The following PLXNA4 variants were observed in gnomAD, a reference collection of about 807,000 sequenced individuals.
PLXNA4 encodes plexin-A4.
In PLXNA4, 44 loss-of-function variants were observed where a neutral mutation model predicts 191.8. That is an observed-to-expected ratio of 0.23 (90% CI 0.18 to 0.29). The LOEUF is 0.29. Among genes scored for constraint, PLXNA4 ranks in the 10% least tolerant of loss-of-function variants. PLXNA4 has a pLI of 1.00. For synonymous variants in PLXNA4, 1,082 were observed against 1,009.5 expected, an observed-to-expected ratio of 1.07 and a Z score of -1.36; for missense variants, 1,800 against 2,488.8, an observed-to-expected ratio of 0.72 and a Z score of 5.89.
At chr7:132,385,077 A>T in intron 3 of PLXNA4, 1 of 1,536,912 alleles carries the variant, frequency 6.5e-7, no homozygotes. Context: ...GACATGAGCT[A>T]TGATGTATGG....
chr7:132,260,718 G>T (rs1275822015), intron 4 of PLXNA4, among the ~76,000 whole-genome samples: 1 of 152,076 alleles, frequency 6.6e-6, no homozygotes, highest in Non-Finnish European at 1.5e-5. Context: ...GTTGGACGGG[G>T]TTGTGGGAGT....
intron 1 of PLXNA4, among the ~76,000 whole-genome samples, chr7:132,529,003 T>C (rs1284253973): frequency 6.6e-6 from 1 of 152,266 alleles, no homozygotes; most frequent in Non-Finnish European, 1.5e-5. Flanking sequence ...CAACAGCCAT[T>C]CTTTCATTAG....
chr7:132,481,941 GT>G (rs1797354317), intron 3 of PLXNA4, among the ~76,000 whole-genome samples: 2 of 152,184 alleles, frequency 1.3e-5, no homozygotes, highest in South Asian at 4.1e-4. Flanking sequence ...TCTCTACTGT[GT>G]TTGCACAATC....
At chr7:132,323,654 C>T (rs1802260847) in intron 3 of PLXNA4, among the ~76,000 whole-genome samples, 1 of 152,192 alleles carries the variant, frequency 6.6e-6, no homozygotes, top group African/African-American at 2.4e-5. Context: ...GTGAATGTTC[C>T]ACTTCCAGGC....
intron 20 of PLXNA4, among the ~76,000 whole-genome samples, chr7:132,178,962 C>A (rs1481813489): frequency 6.8e-6 from 1 of 147,366 alleles, no homozygotes; most frequent in Non-Finnish European, 1.5e-5. Flanking sequence ...CACACAGCCT[C>A]CAGCACTGCC....
intron 2 of PLXNA4, among the ~76,000 whole-genome samples, chr7:132,505,940 T>G (rs748232756): frequency 6.6e-6 from 1 of 152,162 alleles, no homozygotes; most frequent in African/African-American, 2.4e-5. Context: ...GGTTGTCACC[T>G]GCTAGGAAGA....
chr7:132,255,494 A>G (rs1022097594), intron 4 of PLXNA4, among the ~76,000 whole-genome samples: 2 of 152,186 alleles, frequency 1.3e-5, no homozygotes, highest in South Asian at 4.1e-4. Context: ...GACAGACAAC[A>G]TTCACGTTAA....
chr7:132,441,772 TG>T (rs1795709315), intron 3 of PLXNA4, among the ~76,000 whole-genome samples: 1 of 152,250 alleles, frequency 6.6e-6, no homozygotes, highest in Non-Finnish European at 1.5e-5. Flanking sequence ...ATTCCTTGGC[TG>T]CCAGTCAGGG....
chr7:132,467,397 G>T (rs1386798335), intron 3 of PLXNA4, among the ~76,000 whole-genome samples: 2 of 152,178 alleles, frequency 1.3e-5, no homozygotes, highest in Admixed American at 1.3e-4. Context: ...CTGTCCCCCT[G>T]CAGGGGACCC....
intron 1 of PLXNA4, among the ~76,000 whole-genome samples, chr7:132,570,539 G>A (rs1801932528): frequency 6.6e-6 from 1 of 152,234 alleles, no homozygotes; most frequent in Non-Finnish European, 1.5e-5. Context: ...AGTTCAGTGA[G>A]TATGTCAGAT....
At chr7:132,148,938 C>G (rs998166329) in intron 25 of PLXNA4, among the ~76,000 whole-genome samples, 3 of 152,100 alleles carry the variant, frequency 2.0e-5, no homozygotes, top group Admixed American at 6.6e-5. Flanking sequence ...AGTAGGTGCT[C>G]AAAAAGTATT....
intron 9 of PLXNA4, among the ~76,000 whole-genome samples, chr7:132,214,940 C>T (rs1241125717): frequency 6.6e-6 from 1 of 152,136 alleles, no homozygotes; most frequent in Non-Finnish European, 1.5e-5. Flanking sequence ...AGCGTCTGGT[C>T]CGGGGTGAGT....
intron 3 of PLXNA4, among the ~76,000 whole-genome samples, chr7:132,455,755 T>TG (rs1449242492): frequency 6.6e-6 from 1 of 151,286 alleles, no homozygotes; most frequent in African/African-American, 2.4e-5. Flanking sequence ...AGCGGAGGGG[T>TG]GGGGGAGTGG....
At chr7:132,413,462 G>A (rs1182758289) in intron 3 of PLXNA4, among the ~76,000 whole-genome samples, 2 of 152,128 alleles carry the variant, frequency 1.3e-5, no homozygotes, top group Admixed American at 6.5e-5. Context: ...TTTCCAACAT[G>A]TGACAGATGT....
intron 2 of PLXNA4, among the ~76,000 whole-genome samples, chr7:132,597,898 C>T (rs140771063): frequency 3.3e-3 from 495 of 148,134 alleles, no homozygotes; most frequent in African/African-American, 0.012. Context: ...TTTTTAACTT[C>T]TCAATAGCAC....
intron 4 of PLXNA4, among the ~76,000 whole-genome samples, chr7:132,262,123 C>G (rs1799668017): frequency 6.6e-6 from 1 of 152,188 alleles, no homozygotes; most frequent in African/African-American, 2.4e-5. Context: ...CCTTCTTGAA[C>G]TTGACCCAGC....
At chr7:132,380,693 G>T (rs1024128651) in intron 3 of PLXNA4, among the ~76,000 whole-genome samples, 31 of 152,192 alleles carry the variant, frequency 2.0e-4, no homozygotes, top group Admixed American at 1.9e-3. Flanking sequence ...TTCAGATTGT[G>T]CATGGCAAAG....
intron 2 of PLXNA4, among the ~76,000 whole-genome samples, chr7:132,625,564 G>A (rs1385151255): frequency 1.3e-5 from 2 of 152,120 alleles, no homozygotes; most frequent in Non-Finnish European, 2.9e-5. Flanking sequence ...TGAGAGGCAG[G>A]GTGGAGTGTG....
At position 132,431,834 on chromosome 7, in the gene PLXNA4, G is replaced by A. The variant is rs372679747; in HGVS notation, c.1371+57458C>T. Among the ~76,000 whole-genome samples the A allele has an allele frequency of 1.0e-3, 156 of 152,346 alleles. 1 individual carries two copies. Among genetic ancestry groups the A allele is most frequent in the Middle Eastern group, 6.8e-3 (2 of 294 alleles). On this transcript the variant is annotated intron_variant, in intron 3 of 31. Transcript: ENST00000321063. ...GGGTACGTGAGATAATGTGTGTTCA[G>A]CACAGACCGTAGCCCAGTGCTACAG...
Sources: allele counts gnomAD v4.1 joint callset (sites outside exome capture counted in the v4.1 genomes callset), GRCh38; gene constraint gnomAD v4.1.1; transcripts MANE v1.5; gene names NCBI Gene and HGNC (gene_info 2026-07-23, HGNC 2026-07-21).